Variants in B3GALT1 observed in about 807,000 individuals in gnomAD.
The protein encoded by B3GALT1 is UDP-Gal:betaGlcNAc beta 1,3-galactosyltransferase, polypeptide 1.
B3GALT1 carries 10 observed loss-of-function variants against 23.2 expected under a neutral mutation model. That is an observed-to-expected ratio of 0.43 (90% CI 0.27 to 0.73). The LOEUF (loss-of-function observed/expected upper bound fraction) is 0.73, where lower values mean the gene tolerates loss of function less well. Among genes scored for constraint, B3GALT1 ranks in the 30% least tolerant of loss-of-function variants. The pLI, the probability that B3GALT1 is intolerant of heterozygous loss-of-function variation, is 0.21. For missense variants in B3GALT1, 299 were observed against 405.4 expected (o/e 0.74, Z 2.25); for synonymous variants, 156 against 141.5 (o/e 1.10, Z -0.73).
At chr2:167,713,998 G>T in intron 3 of B3GALT1, 1 of 1,549,248 alleles carries the variant, frequency 6.5e-7, no homozygotes, top group Non-Finnish European at 8.9e-7. Context: ...GAGGAATAAA[G>T]CCGGGGCCAG....
chr2:167,674,716 G>A (rs1007264188), intron 3 of B3GALT1, among the ~76,000 whole-genome samples: 1 of 152,130 alleles, frequency 6.6e-6, no homozygotes, highest in Non-Finnish European at 1.5e-5. Flanking sequence ...TCAAAGACAT[G>A]AAGGACCAGG....
intron 3 of B3GALT1, among the ~76,000 whole-genome samples, chr2:167,791,654 C>T (rs1194869023): frequency 1.3e-5 from 2 of 152,096 alleles, no homozygotes; most frequent in African/African-American, 4.8e-5. Context: ...GTAATGAATC[C>T]ATTTTGTAAA....
chr2:167,667,287 C>G lies in B3GALT1; in HGVS notation c.-352+20321C>G, dbSNP rs192499159. ...AATGTTGAATATTGGCCCCCACTCT[C>G]TTCTGGCTCGTAGAGTTTCTGCTGA... On this transcript the variant is annotated intron_variant, in intron 3 of 4. Transcript: ENST00000392690. Among the ~76,000 whole-genome samples the G allele has an allele frequency of 4.1e-3, 631 of 152,328 alleles. 5 individuals are homozygous for G. Among genetic ancestry groups the G allele is most frequent in the African/African-American group, 0.015 (611 of 41,568 alleles).
intron 1 of B3GALT1, among the ~76,000 whole-genome samples, chr2:167,450,263 G>T (rs1460276233): frequency 6.6e-5 from 10 of 151,510 alleles, no homozygotes; most frequent in Admixed American, 6.6e-4. Context: ...TACCTTTTCA[G>T]TCTGGCTGCT....
chr2:167,717,213 G>C (rs12692863), intron 3 of B3GALT1, among the ~76,000 whole-genome samples: 75,805 of 149,304 alleles, frequency 0.51, 19,569 homozygotes, highest in East Asian at 0.72. Flanking sequence ...TCTTTCCTTT[G>C]ATTTTTCTTT....
chr2:167,451,260 T>TA lies in B3GALT1; in HGVS notation c.-510-38914dup, dbSNP rs1393943307. On this transcript the variant is annotated intron_variant, in intron 1 of 4. Transcript: ENST00000392690. ...AGCTAGTGTGATTTTGTGGGGATGT[T>TA]AAAGAGTCTTGTTTTGTCATATTAC... Among the ~76,000 whole-genome samples, 3 of 152,294 alleles carry TA rather than the reference T, an allele frequency of 2.0e-5. No homozygotes were observed. In the East Asian group the frequency reaches 5.8e-4, roughly 29 times the overall value.
chr2:167,625,058 T>C (rs532411815), intron 2 of B3GALT1, among the ~76,000 whole-genome samples: 4 of 152,032 alleles, frequency 2.6e-5, no homozygotes, highest in African/African-American at 7.2e-5. Flanking sequence ...ATGAGAAATA[T>C]AGATTTTATT....
intron 4 of B3GALT1, among the ~76,000 whole-genome samples, chr2:167,821,323 AC>A: frequency 6.6e-6 from 1 of 152,112 alleles, no homozygotes; most frequent in South Asian, 2.1e-4. Flanking sequence ...TTGTTTGCAA[AC>A]AAAACAAAAC....
At chr2:167,742,959 A>G (rs777705112) in intron 3 of B3GALT1, among the ~76,000 whole-genome samples, 6 of 152,146 alleles carry the variant, frequency 3.9e-5, no homozygotes. Flanking sequence ...CATGTATATC[A>G]TAAACAATAT....
chr2:167,627,330 T>A (rs1377955266), intron 2 of B3GALT1, among the ~76,000 whole-genome samples: 1 of 151,738 alleles, frequency 6.6e-6, no homozygotes, highest in Non-Finnish European at 1.5e-5. Flanking sequence ...TCAACACTTC[T>A]CCCCTTTGTC....
At chr2:167,717,691 CTTTA>C (rs984190918) in intron 3 of B3GALT1, among the ~76,000 whole-genome samples, 5 of 152,042 alleles carry the variant, frequency 3.3e-5, no homozygotes, top group African/African-American at 7.2e-5. Flanking sequence ...CCTTTGGTTT[CTTTA>C]TTTAGGATAA....
chr2:167,801,127 A>G (rs1688631017), intron 3 of B3GALT1, among the ~76,000 whole-genome samples: 1 of 152,254 alleles, frequency 6.6e-6, no homozygotes, highest in Non-Finnish European at 1.5e-5. Context: ...GCATAGTTAT[A>G]GACATAGTCT....
chr2:167,829,390 G>A (rs886883573), intron 4 of B3GALT1, among the ~76,000 whole-genome samples: 5 of 151,782 alleles, frequency 3.3e-5, no homozygotes, highest in African/African-American at 4.8e-5. Flanking sequence ...GGCTGAGGCA[G>A]GAGAATCACT....
intron 4 of B3GALT1, among the ~76,000 whole-genome samples, chr2:167,834,185 T>C (rs1162512033): frequency 6.6e-6 from 1 of 152,198 alleles, no homozygotes; most frequent in African/African-American, 2.4e-5. Context: ...ATCATGTCTT[T>C]ATACTCAGAT....
At chr2:167,520,446 T>G (rs1209741397) in intron 2 of B3GALT1, among the ~76,000 whole-genome samples, 2 of 152,250 alleles carry the variant, frequency 1.3e-5, no homozygotes, top group Non-Finnish European at 2.9e-5. Flanking sequence ...GGAGCATTGT[T>G]GTGGTGGAGA....
At chr2:167,490,565 T>C (rs1699694285) in intron 2 of B3GALT1, among the ~76,000 whole-genome samples, 1 of 152,272 alleles carries the variant, frequency 6.6e-6, no homozygotes, top group Non-Finnish European at 1.5e-5. Context: ...CAAGGTGTTT[T>C]GTCAGGCTTC....
At chr2:167,698,309 ATAAACT>A (rs1686817260) in intron 3 of B3GALT1, among the ~76,000 whole-genome samples, 1 of 152,244 alleles carries the variant, frequency 6.6e-6, no homozygotes, top group Non-Finnish European at 1.5e-5. Flanking sequence ...GCTCTGAGAA[ATAAACT>A]TAGTGAGGAA....
intron 2 of B3GALT1, among the ~76,000 whole-genome samples, chr2:167,507,708 C>T (rs1180104187): frequency 3.3e-5 from 5 of 151,864 alleles, no homozygotes; most frequent in African/African-American, 9.7e-5. Flanking sequence ...AAACTATGTG[C>T]ATAAAGCCCT....
At chr2:167,528,289 A>G (rs1407015504) in intron 2 of B3GALT1, among the ~76,000 whole-genome samples, 1 of 152,010 alleles carries the variant, frequency 6.6e-6, no homozygotes, top group Non-Finnish European at 1.5e-5. Flanking sequence ...CATGTCAGAG[A>G]CTTTGCATTT....
Sources: allele counts gnomAD v4.1 joint callset (sites outside exome capture counted in the v4.1 genomes callset), GRCh38; gene constraint gnomAD v4.1.1; transcripts MANE v1.5; gene names NCBI Gene and HGNC (gene_info 2026-07-23, HGNC 2026-07-21).